Variants in LMBR1 observed in about 807,000 individuals in gnomAD.
LMBR1 encodes limb region 1 protein homolog.
LMBR1 carries 52 observed loss-of-function variants against 73.9 expected under a neutral mutation model. The ratio of observed to expected loss-of-function variants is 0.70; its 90% CI spans 0.56 to 0.89. The LOEUF (loss-of-function observed/expected upper bound fraction) is 0.89, where lower values mean the gene tolerates loss of function less well. LMBR1 is among the 40% of genes least tolerant of loss of function. The pLI is 0.00. For missense variants in LMBR1, 539 were observed against 579.8 expected, an observed-to-expected ratio of 0.93 and a Z score of 0.72; for synonymous variants, 215 against 209.4, an observed-to-expected ratio of 1.03 and a Z score of -0.23.
chr7:156,816,262 G>C (rs937322245), intron 4 of LMBR1, among the ~76,000 whole-genome samples: 4 of 151,936 alleles, frequency 2.6e-5, no homozygotes, highest in Non-Finnish European at 5.9e-5. Context: ...CTGGAGTGCA[G>C]TGGTGCAATC....
At chr7:156,759,989 G>A (rs1822670664) in intron 8 of LMBR1, among the ~76,000 whole-genome samples, 1 of 152,210 alleles carries the variant, frequency 6.6e-6, no homozygotes, top group Non-Finnish European at 1.5e-5. Context: ...GTTAGGAACA[G>A]GTAACTAAAG....
At chr7:156,763,458 C>T (rs1414866406) in intron 6 of LMBR1, among the ~76,000 whole-genome samples, 2 of 150,400 alleles carry the variant, frequency 1.3e-5, no homozygotes, top group Admixed American at 1.3e-4. Context: ...AAAAAAAAAT[C>T]TGAAAAGCTG....
intron 1 of LMBR1, among the ~76,000 whole-genome samples, chr7:156,888,090 A>C (rs1190886447): frequency 2.0e-5 from 3 of 152,220 alleles, no homozygotes; most frequent in African/African-American, 7.2e-5. Flanking sequence ...GCCTCTGTGG[A>C]AAATGGTATG....
At chr7:156,809,821 C>T (rs1200503976) in intron 4 of LMBR1, among the ~76,000 whole-genome samples, 1 of 152,196 alleles carries the variant, frequency 6.6e-6, no homozygotes, top group African/African-American at 2.4e-5. Flanking sequence ...CTCTTTATCA[C>T]TGATTTTGAG....
In LMBR1 at chr7:156,677,848, A is replaced by T. The variant is rs1804352352; in HGVS notation, c.*6230T>A. 1 of 152,250 alleles carries T rather than the reference A, an allele frequency of 6.6e-6. No homozygotes were observed. The highest frequency in any genetic ancestry group is 2.4e-5 in the African/African-American group (1 of 41,464). The allele number at this position is 152,250 out of a possible 1,614,324, so 9.4% of individuals were successfully genotyped here. On this transcript the variant is annotated 3_prime_UTR_variant, in exon 17 of 17. Coordinates refer to ENST00000353442, the MANE Select transcript of LMBR1 (RefSeq NM_022458.4). ...CAGACTAATTTGGAGAATGCTTTAA[A>T]CAATGAGTAAGCACTTTTATTCTAA... is the stretch of plus-strand genomic sequence containing the variant.
rs527789192 is a variant in LMBR1 at position 156,811,483 on chromosome 7, G to A, written c.320-14991C>T. The stretch of plus-strand genomic sequence containing the variant: ...AAATTAGCTGGGCATGGTGGCACAC[G>A]CCTGTAGTCCAGCTACTCGGGAGGC... On this transcript the variant is annotated intron_variant, in intron 4 of 16. Transcript: ENST00000353442. 7.9e-5 allele frequency among the ~76,000 whole-genome samples: 12 copies of A among 152,094 alleles called. No individual in the cohort carries two copies. The East Asian group carries it at 1.9e-3, about 25-fold the overall frequency.
intron 2 of LMBR1, 51 bp from the exon 3 acceptor site, chr7:156,833,843 G>T: frequency 2.6e-6 from 3 of 1,155,362 alleles, no homozygotes; most frequent in Non-Finnish European, 3.8e-6. Context: ...AACAAAATGC[G>T]TCATTAATTT....
intron 15 of LMBR1, among the ~76,000 whole-genome samples, chr7:156,712,661 A>C (rs1812322689): frequency 6.6e-6 from 1 of 152,248 alleles, no homozygotes; most frequent in Non-Finnish European, 1.5e-5. Flanking sequence ...GTATAAAAAC[A>C]CAATGGAATA....
chr7:156,755,678 AT>A (rs1418485182), intron 9 of LMBR1, among the ~76,000 whole-genome samples: 1 of 152,252 alleles, frequency 6.6e-6, no homozygotes. Context: ...AGTTAGAAGA[AT>A]AAAAGACATA....
At chr7:156,824,142 ACG>A (rs113343314) in intron 4 of LMBR1, among the ~76,000 whole-genome samples, 4,211 of 151,734 alleles carry the variant, frequency 0.028, 197 homozygotes, top group African/African-American at 0.097. Context: ...ATATATACAC[ACG>A]CGCGCGCGCT....
At chr7:156,863,302 G>C (rs1427477188) in intron 1 of LMBR1, among the ~76,000 whole-genome samples, 1 of 151,498 alleles carries the variant, frequency 6.6e-6, no homozygotes, top group Non-Finnish European at 1.5e-5. Context: ...ATGAGAGAAA[G>C]ATGTAGGCTG....
intron 1 of LMBR1, among the ~76,000 whole-genome samples, chr7:156,865,732 T>A (rs1798351819): frequency 6.6e-6 from 1 of 152,126 alleles, no homozygotes; most frequent in African/African-American, 2.4e-5. Flanking sequence ...AAAATAGACA[T>A]AGAGACCAAA....
chr7:156,700,724 G>A, intron 15 of LMBR1, among the ~76,000 whole-genome samples: 1 of 152,056 alleles, frequency 6.6e-6, no homozygotes, highest in East Asian at 1.9e-4. Flanking sequence ...CTTCTTCTGA[G>A]CCCTCCAAAC....
chr7:156,751,927 C>T (rs750096550), intron 9 of LMBR1, among the ~76,000 whole-genome samples: 2 of 152,054 alleles, frequency 1.3e-5, no homozygotes, highest in East Asian at 1.9e-4. Flanking sequence ...GAGTAGAGGT[C>T]GCAGCTTATA....
At chr7:156,718,179 C>G (rs972688127) in intron 15 of LMBR1, among the ~76,000 whole-genome samples, 1 of 152,082 alleles carries the variant, frequency 6.6e-6, no homozygotes, top group South Asian at 2.1e-4. Context: ...GCGGGCAAAT[C>G]ACTTGAGGTC....
chr7:156,799,246 C>T (rs1178687155), intron 4 of LMBR1, among the ~76,000 whole-genome samples: 1 of 151,938 alleles, frequency 6.6e-6, no homozygotes, highest in Non-Finnish European at 1.5e-5. Context: ...TACCTAAAGC[C>T]GATTGCATGT....
At chr7:156,696,796 C>T (rs915466144) in intron 15 of LMBR1, among the ~76,000 whole-genome samples, 2 of 152,210 alleles carry the variant, frequency 1.3e-5, no homozygotes, top group African/African-American at 4.8e-5. Flanking sequence ...TGGCCCCTCA[C>T]AAATCTCATG....
At chr7:156,861,182 T>C (rs781502403) in intron 1 of LMBR1, among the ~76,000 whole-genome samples, 1 of 152,226 alleles carries the variant, frequency 6.6e-6, no homozygotes, top group Non-Finnish European at 1.5e-5. Flanking sequence ...TTTCCATACA[T>C]ACATCCTCTG....
At chr7:156,823,171 T>G (rs1278544736) in intron 4 of LMBR1, 1 of 150,958 alleles carries the variant, frequency 6.6e-6, no homozygotes, top group Non-Finnish European at 1.5e-5. Context: ...TATTAGATAT[T>G]TTTCTATATT....
Sources: gnomAD v4.1 joint callset for allele counts (sites outside exome capture counted in the v4.1 genomes callset) on GRCh38, gnomAD v4.1.1 for gene constraint, MANE v1.5 for transcripts, NCBI Gene and HGNC (gene_info 2026-07-23, HGNC 2026-07-21) for gene names.